The following HS3ST4 variants were observed in gnomAD, a reference collection of about 807,000 sequenced individuals.
HS3ST4 encodes heparan sulfate glucosamine 3-O-sulfotransferase 4.
Under a neutral mutation model 29.2 loss-of-function variants are expected in HS3ST4, and 17 were observed. The observed-to-expected ratio is 0.58, with a 90% CI of 0.40 to 0.87. HS3ST4 has a LOEUF of 0.87. HS3ST4 is among the 40% of genes least tolerant of loss of function. The probability of loss-of-function intolerance (pLI) is 0.00; values close to 1 mark genes in which losing one functional copy is unlikely to be tolerated. For missense variants in HS3ST4, 627 were observed against 634.5 expected, an observed-to-expected ratio of 0.99 and a Z score of 0.13; for synonymous variants, 314 against 285.7, an observed-to-expected ratio of 1.10 and a Z score of -1.00.
chr16:25,700,994 A>T (rs894465387), intron 1 of HS3ST4, among the ~76,000 whole-genome samples: 1 of 152,226 alleles, frequency 6.6e-6, no homozygotes, highest in Non-Finnish European at 1.5e-5. Flanking sequence ...TGTAAACAAC[A>T]AAAGACATTT....
chr16:25,853,789 C>T (rs1967545224), intron 1 of HS3ST4, among the ~76,000 whole-genome samples: 1 of 152,084 alleles, frequency 6.6e-6, no homozygotes, highest in Non-Finnish European at 1.5e-5. Flanking sequence ...CATTGATGTT[C>T]ATTAGAAATA....
chr16:25,728,333 T>C (rs2141592559), intron 1 of HS3ST4, among the ~76,000 whole-genome samples: 1 of 152,310 alleles, frequency 6.6e-6, no homozygotes, highest in Non-Finnish European at 1.5e-5. Context: ...ATATTCAGCT[T>C]TTAGAGTAAT....
chr16:25,965,686 C>T (rs3922857), intron 1 of HS3ST4, among the ~76,000 whole-genome samples: 16,251 of 152,218 alleles, frequency 0.11, 1,025 homozygotes, highest in Middle Eastern at 0.19. Flanking sequence ...AAATTTCCTT[C>T]TCATGTCCCA....
intron 1 of HS3ST4, among the ~76,000 whole-genome samples, chr16:25,978,990 C>T (rs1207603174): frequency 8.2e-5 from 12 of 146,536 alleles, no homozygotes; most frequent in Admixed American, 3.5e-4. Context: ...CTCCACCTCC[C>T]GGGTTCAAGC....
intron 1 of HS3ST4, among the ~76,000 whole-genome samples, chr16:26,101,277 G>T (rs1222499076): frequency 6.6e-6 from 1 of 152,156 alleles, no homozygotes; most frequent in Non-Finnish European, 1.5e-5. Context: ...GCTTTTCTTG[G>T]GGTTAGCTTG....
At chr16:25,694,102 CAG>C (rs1436615396) in intron 1 of HS3ST4, among the ~76,000 whole-genome samples, 1 of 152,188 alleles carries the variant, frequency 6.6e-6, no homozygotes, top group Non-Finnish European at 1.5e-5. Context: ...TTCTGGGAAA[CAG>C]ATCTGCATGG....
At chr16:25,778,099 A>T (rs1966849287) in intron 1 of HS3ST4, among the ~76,000 whole-genome samples, 3 of 152,000 alleles carry the variant, frequency 2.0e-5, no homozygotes, top group African/African-American at 7.3e-5. Context: ...TTGATATTTT[A>T]AAAAGTGTGA....
In HS3ST4 at chr16:26,060,817, G is replaced by A. The variant is rs552742916; in HGVS notation, c.735-74795G>A. Among the ~76,000 whole-genome samples, 5 of 152,234 alleles carry A rather than the reference G, an allele frequency of 3.3e-5. No homozygotes were observed. The South Asian group carries it at 6.2e-4, about 19-fold the overall frequency. ...GAATTTCAAGTACCACCCTGCGATC[G>A]GTTGGCTGGGATTTTGTAATTAACT... On this transcript the variant is annotated intron_variant, in intron 1 of 1. Transcript: ENST00000331351.
intron 1 of HS3ST4, among the ~76,000 whole-genome samples, chr16:26,079,797 C>G (rs904083035): frequency 1.3e-5 from 2 of 152,152 alleles, no homozygotes; most frequent in African/African-American, 4.8e-5. Flanking sequence ...TCTCTGTTCT[C>G]GACTCTATTT....
chr16:26,054,824 G>T (rs1340877747), intron 1 of HS3ST4, among the ~76,000 whole-genome samples: 6 of 151,900 alleles, frequency 3.9e-5, no homozygotes, highest in Non-Finnish European at 7.4e-5. Context: ...TTTAGACAGT[G>T]CTCTTTTATC....
chr16:26,023,458 G>A lies in HS3ST4; in HGVS notation c.735-112154G>A, dbSNP rs1198985036. 2.0e-5 allele frequency among the ~76,000 whole-genome samples: 3 copies of A among 152,032 alleles called. No individual in the cohort carries two copies. The East Asian group carries it at 5.8e-4, about 29-fold the overall frequency. On this transcript the variant is annotated intron_variant, in intron 1 of 1. Transcript: ENST00000331351. Reference sequence around the variant, plus strand: ...TCTGTCACCCAGGCTAGAGTGCAATGGCATGATCATAGCCCACTGCAACCT... The same window carrying A: ...TCTGTCACCCAGGCTAGAGTGCAATAGCATGATCATAGCCCACTGCAACCT...
At chr16:26,106,464 T>C (rs972484268) in intron 1 of HS3ST4, among the ~76,000 whole-genome samples, 1 of 152,170 alleles carries the variant, frequency 6.6e-6, no homozygotes, top group Non-Finnish European at 1.5e-5. Context: ...CCAAAACACA[T>C]GTGCGTAAGT....
rs559159031 is a variant in HS3ST4, at chr16:26,103,345, A to G, written c.735-32267A>G. ...AGAAGTTGTAGTGTCTGATGCGAACACAGGGCCATGTGACTCCAACTCAAG... is the reference window on the plus strand; with the variant it reads ...AGAAGTTGTAGTGTCTGATGCGAACGCAGGGCCATGTGACTCCAACTCAAG... On this transcript the variant is annotated intron_variant, in intron 1 of 1. Transcript: ENST00000331351. Among the ~76,000 whole-genome samples, 6 of 152,294 alleles carry G rather than the reference A, an allele frequency of 3.9e-5. No homozygotes were observed. The South Asian group carries it at 1.2e-3, about 32-fold the overall frequency.
chr16:26,134,750 G>C (rs572609751), intron 1 of HS3ST4, among the ~76,000 whole-genome samples: 1 of 152,230 alleles, frequency 6.6e-6, no homozygotes, highest in Admixed American at 6.5e-5. Flanking sequence ...CCTGGGCTTC[G>C]GTTTTCTCAT....
intron 1 of HS3ST4, among the ~76,000 whole-genome samples, chr16:25,807,782 C>T (rs1179767437): frequency 6.6e-6 from 1 of 152,086 alleles, no homozygotes; most frequent in Non-Finnish European, 1.5e-5. Context: ...CTGAGTGATC[C>T]AGGTTCTCTG....
At chr16:25,857,948 C>CTTTCTTTCTTTCTTTCTTTCTTTCTTTCT (rs1967596744) in intron 1 of HS3ST4, among the ~76,000 whole-genome samples, 8 of 57,146 alleles carry the variant, frequency 1.4e-4, no homozygotes, top group African/African-American at 5.8e-4. Flanking sequence ...TTCTTTCTTT[C>CTTTCTTTCTTTCTTTCTTTCTTTCTTTCT]TTTCTTTCTT....
At chr16:26,035,761 A>C (rs561380093) in intron 1 of HS3ST4, among the ~76,000 whole-genome samples, 1 of 152,210 alleles carries the variant, frequency 6.6e-6, no homozygotes, top group African/African-American at 2.4e-5. Flanking sequence ...ATGTTTTCCA[A>C]ATGCGCAGCT....
intron 1 of HS3ST4, among the ~76,000 whole-genome samples, chr16:26,070,115 C>A (rs1157925007): frequency 6.6e-6 from 1 of 152,132 alleles, no homozygotes; most frequent in Non-Finnish European, 1.5e-5. Flanking sequence ...AGTTCTAGAT[C>A]CCTGAGGAAT....
At chr16:26,097,852 T>C (rs1445782097) in intron 1 of HS3ST4, among the ~76,000 whole-genome samples, 1 of 151,958 alleles carries the variant, frequency 6.6e-6, no homozygotes, top group Non-Finnish European at 1.5e-5. Flanking sequence ...AGGCCTAATA[T>C]CCAGAATCTA....
Sources: allele counts gnomAD v4.1 joint callset (sites outside exome capture counted in the v4.1 genomes callset), GRCh38; gene constraint gnomAD v4.1.1; transcripts MANE v1.5; gene names NCBI Gene and HGNC (gene_info 2026-07-23, HGNC 2026-07-21).